MED13: variants seen among roughly 807,000 people sequenced by gnomAD.
MED13 encodes mediator of RNA polymerase II transcription subunit 13.
MED13 carries 23 observed loss-of-function variants against 225.2 expected under a neutral mutation model. That is an observed-to-expected ratio of 0.10 (90% CI 0.07 to 0.14). MED13 has a LOEUF of 0.14. MED13 is among the 10% of genes least tolerant of loss of function. MED13 has a pLI of 1.00. For synonymous variants in MED13, 942 were observed against 889.2 expected (o/e 1.06, Z -1.06); for missense variants, 2,197 against 2,594.5 (o/e 0.85, Z 3.33).
At chr17:61,998,663 G>A (rs962831478) in intron 9 of MED13, among the ~76,000 whole-genome samples, 16 of 148,198 alleles carry the variant, frequency 1.1e-4, no homozygotes, top group African/African-American at 3.8e-4. Context: ...GCAGTGGTGC[G>A]GTCTCAGCTC....
At chr17:62,030,116 T>G in intron 6 of MED13, 103 bp from the exon 7 acceptor site, 1 of 1,059,362 alleles carries the variant, frequency 9.4e-7, no homozygotes, top group East Asian at 2.9e-5. Context: ...GCTCCAGCTA[T>G]CTGGTAAAAT....
chr17:62,060,137 C>CA (rs920263795), intron 2 of MED13, among the ~76,000 whole-genome samples: 13 of 151,884 alleles, frequency 8.6e-5, no homozygotes, highest in South Asian at 4.2e-4. Flanking sequence ...ACTAAAAATA[C>CA]AAAAAATTAG....
intron 3 of MED13, among the ~76,000 whole-genome samples, chr17:62,038,390 G>T (rs1314082090): frequency 6.6e-6 from 1 of 151,546 alleles, no homozygotes; most frequent in Non-Finnish European, 1.5e-5. Flanking sequence ...AACAAAAAAA[G>T]ATATTTAAAA....
intron 3 of MED13, among the ~76,000 whole-genome samples, chr17:62,049,472 A>C (rs1234058249): frequency 6.6e-6 from 1 of 152,232 alleles, no homozygotes; most frequent in Non-Finnish European, 1.5e-5. Context: ...GAAAGCAGGC[A>C]TAAAACAATC....
intron 28 of MED13, among the ~76,000 whole-genome samples, chr17:61,948,729 A>G (rs1355304910): frequency 3.3e-5 from 5 of 151,434 alleles, no homozygotes; most frequent in Non-Finnish European, 7.4e-5. Context: ...CCCGGCAGCA[A>G]GTATTTAAAT....
intron 28 of MED13, among the ~76,000 whole-genome samples, chr17:61,948,235 A>C (rs1040306632): frequency 1.7e-4 from 26 of 152,222 alleles, no homozygotes. Context: ...AGTGAACAAA[A>C]AGTATGGTAA....
chr17:61,955,854 G>GAAAAAA lies in MED13; in HGVS notation c.5624-17_5624-16insTTTTTT. On this transcript the variant is annotated splice_polypyrimidine_tract_variant and intron_variant, in intron 24 of 29. Transcript: ENST00000397786. ...CAGCTCCAATCTGTGGGTATCAACAGTAAAAAAAAAAAAAAAAAAAAAAAA... is the reference window on the plus strand; with the variant it reads ...CAGCTCCAATCTGTGGGTATCAACAGAAAAAATAAAAAAAAAAAAAAAAAAAAAAAA... The GAAAAAA allele has an allele frequency of 3.9e-6, 1 of 254,466 alleles. No individual in the cohort carries two copies. The highest frequency in any genetic ancestry group is 5.1e-6 in the Non-Finnish European group (1 of 197,200). The allele number at this position is 254,466 out of a possible 1,614,324, so 15.8% of individuals were successfully genotyped here. A position where few individuals can be genotyped will look rare whatever the true frequency, so the allele number is the denominator to read the frequency against.
intron 23 of MED13, among the ~76,000 whole-genome samples, chr17:61,956,740 C>T (rs974379618): frequency 6.6e-6 from 1 of 151,984 alleles, no homozygotes; most frequent in African/African-American, 2.4e-5. Context: ...GGGGTTTCAC[C>T]GCGTTAGCCA....
At chr17:61,958,831 T>G (rs2079972432) in intron 23 of MED13, among the ~76,000 whole-genome samples, 1 of 152,132 alleles carries the variant, frequency 6.6e-6, no homozygotes, top group South Asian at 2.1e-4. Flanking sequence ...CCCAATCAAT[T>G]TACATGTAAT....
intron 2 of MED13, among the ~76,000 whole-genome samples, chr17:62,062,758 T>C (rs1449594751): frequency 6.6e-6 from 1 of 152,186 alleles, no homozygotes; most frequent in Non-Finnish European, 1.5e-5. Flanking sequence ...TGTTAGGAAC[T>C]CTGTTTCCTG....
intron 27 of MED13, among the ~76,000 whole-genome samples, chr17:61,951,937 G>A (rs960280590): frequency 5.3e-5 from 8 of 151,802 alleles, no homozygotes; most frequent in East Asian, 1.9e-4. Flanking sequence ...TCGCTCTGTC[G>A]CTTAGGCTGG....
intron 23 of MED13, 102 bp from the exon 24 acceptor site, chr17:61,956,583 G>A (rs928483374): frequency 9.3e-5 from 112 of 1,209,986 alleles, no homozygotes; most frequent in Non-Finnish European, 8.7e-5. Flanking sequence ...CACCCAGGCT[G>A]GATGGAGTGC....
Position 62,065,159 on chromosome 17 carries a change from T to C in MED13, c.47A>G (p.His16Arg). 6.3e-7 allele frequency: 1 copy of C among 1,580,532 alleles called. No homozygotes were observed. Among genetic ancestry groups the C allele is most frequent in the South Asian group, 1.2e-5 (1 of 86,602 alleles). Residue 16 changes from histidine (H) to arginine (R), a missense_variant, in exon 1 of 30, where the codon CAC (histidine) becomes CGC (arginine). Physicochemically the swap from His to Arg is conservative, Grantham distance 29. Around this residue, in one of 12 missense-constraint regions of MED13, gnomAD observed 884 missense variants for 918.5 expected, o/e 0.96. Transcript: ENST00000397786. Reference sequence around the variant, plus strand: ...ACTCACCAGGCAGAAGAGGTTACAGTGACAATCTTCCAGGCTGGCCCCGTT... The same window carrying C: ...ACTCACCAGGCAGAAGAGGTTACAGCGACAATCTTCCAGGCTGGCCCCGTT... ...VPNGASLEDC[H>R]CNLFCLADLT...
chr17:61,950,677 C>T (rs918010183), intron 28 of MED13, 148 bp downstream of exon 28: 7 of 693,694 alleles, frequency 1.0e-5, no homozygotes, highest in African/African-American at 9.2e-5. Flanking sequence ...AGCCACCGTG[C>T]CTTCGTGATC....
At position 62,031,137 on chromosome 17, in the gene MED13, A is replaced by G. The variant is rs572311291; in HGVS notation, c.1009+307T>C. On this transcript the variant is annotated intron_variant, in intron 6 of 29. Coordinates refer to ENST00000397786, the MANE Select transcript of MED13 (RefSeq NM_005121.3). ...ATTTTCTGACTAAGAGGATCGAGTA[A>G]TAGTTGTATAGGAGAGTGTCCTTAA... is the stretch of plus-strand genomic sequence containing the variant. 2.2e-4 allele frequency: 43 copies of G among 192,744 alleles called. 1 individual carries two copies. The East Asian group carries it at 5.1e-3, about 23-fold the overall frequency. 11.9% of individuals were successfully genotyped at this position (192,744 alleles called of 1,614,324 possible). A position where few individuals can be genotyped will look rare whatever the true frequency, so the allele number is the denominator to read the frequency against.
chr17:62,031,502 A>G lies in MED13; in HGVS notation c.951T>C (p.Asp317=). Residue 317 remains aspartate, a synonymous_variant, in exon 6 of 30, where the codon GAT becomes GAC. Coordinates refer to ENST00000397786, the MANE Select transcript of MED13 (RefSeq NM_005121.3). ...TAAGCGTAACCGAAGACATAGCAGG[A>G]TCTCTTGTGGAAGCAGGCACTTGGT... ...GVHQVPASTR[D]PAMSSVTLTP... is the part of the protein sequence containing the mutation. The G allele has an allele frequency of 6.2e-7, 1 of 1,613,958 alleles. No homozygotes were observed. Among genetic ancestry groups the G allele is most frequent in the Non-Finnish European group, 8.5e-7 (1 of 1,179,910 alleles).
At chr17:62,062,830 TAAG>T (rs2081051936) in intron 2 of MED13, among the ~76,000 whole-genome samples, 2 of 152,122 alleles carry the variant, frequency 1.3e-5, no homozygotes, top group African/African-American at 4.8e-5. Context: ...TGTGAGAAAT[TAAG>T]AAGAGAGGTG....
At position 61,956,496 on chromosome 17, in the gene MED13, AAG is replaced by A. The variant is rs772430117; in HGVS notation, c.5481-17_5481-16del. On this transcript the variant is annotated splice_polypyrimidine_tract_variant and intron_variant, in intron 23 of 29. Coordinates refer to ENST00000397786, the MANE Select transcript of MED13 (RefSeq NM_005121.3). ...TCCGACGAGCCCTATTGTGTGAATA[AAG>A]AGAGTGTCATAAATATTTCTAAAAT... The A allele has an allele frequency of 2.4e-4, 381 of 1,590,442 alleles. No homozygotes were observed. Among genetic ancestry groups the A allele is most frequent in the Non-Finnish European group, 2.4e-4 (282 of 1,173,284 alleles).
chr17:61,974,975 A>C lies in MED13; in HGVS notation c.3806-2087T>G, dbSNP rs140554161. Reference sequence around the variant, plus strand: ...AAAGAATACCATCAAGAAAGTAAAAAGATTTCACATCCTATGGAGATATGA... The same window carrying C: ...AAAGAATACCATCAAGAAAGTAAAACGATTTCACATCCTATGGAGATATGA... On this transcript the variant is annotated intron_variant, in intron 16 of 29. Coordinates refer to ENST00000397786, the MANE Select transcript of MED13 (RefSeq NM_005121.3). Among the ~76,000 whole-genome samples the C allele has an allele frequency of 8.9e-4, 136 of 152,272 alleles. 1 individual carries two copies. In the East Asian group the frequency reaches 0.025, roughly 28 times the overall value.
Sources: gnomAD v4.1 joint callset for allele counts (sites outside exome capture counted in the v4.1 genomes callset) on GRCh38, gnomAD v4.1.1 for gene constraint, gnomAD v4.1.1 regional missense constraint, MANE v1.5 for transcripts, NCBI Gene and HGNC (gene_info 2026-07-23, HGNC 2026-07-21) for gene names.